Variants in RNF216 observed in about 807,000 individuals in gnomAD.
RNF216 encodes the protein E3 ubiquitin-protein ligase RNF216.
A neutral mutation model predicts 110.8 loss-of-function variants in RNF216; 72 were observed. The ratio of observed to expected loss-of-function variants is 0.65; its 90% CI spans 0.54 to 0.79. The LOEUF (loss-of-function observed/expected upper bound fraction) is 0.79, where lower values mean the gene tolerates loss of function less well. RNF216 is among the 30% of genes least tolerant of loss of function. The pLI is 0.00. For missense variants in RNF216, 1,342 were observed against 1,141.2 expected (o/e 1.18, Z -2.54); for synonymous variants, 495 against 407.5 (o/e 1.21, Z -2.59).
chr7:5,651,060 G>A (rs1351374108), intron 14 of RNF216, among the ~76,000 whole-genome samples: 1 of 152,182 alleles, frequency 6.6e-6, no homozygotes, highest in African/African-American at 2.4e-5. Flanking sequence ...TGAGATATAT[G>A]TATATAATTC....
At chr7:5,636,082 C>T (rs1430764114) in intron 15 of RNF216, among the ~76,000 whole-genome samples, 1 of 152,182 alleles carries the variant, frequency 6.6e-6, no homozygotes, top group Non-Finnish European at 1.5e-5. Context: ...TCCAGACTGC[C>T]AGGTGCCTGT....
intron 14 of RNF216, among the ~76,000 whole-genome samples, chr7:5,651,900 G>T (rs911898435): frequency 9.2e-5 from 14 of 152,176 alleles, no homozygotes; most frequent in Admixed American, 9.2e-4. Context: ...GCCAGCCTCG[G>T]CCTCCCAAAG....
chr7:5,733,020 G>A (rs372013197), intron 5 of RNF216: 4 of 152,310 alleles, frequency 2.6e-5, no homozygotes, highest in South Asian at 2.1e-4. Context: ...ATGGCCAGAC[G>A]GTTCCATCTG....
intron 13 of RNF216, among the ~76,000 whole-genome samples, chr7:5,698,620 A>T (rs1486923384): frequency 6.6e-6 from 1 of 152,108 alleles, no homozygotes; most frequent in Non-Finnish European, 1.5e-5. Flanking sequence ...TCTTGAACTC[A>T]TAACCTCAAG....
intron 3 of RNF216, among the ~76,000 whole-genome samples, chr7:5,743,090 G>A (rs1429237680): frequency 2.6e-5 from 4 of 151,904 alleles, no homozygotes; most frequent in Admixed American, 1.3e-4. Flanking sequence ...GTGAAAATCC[G>A]TCTCTACTAA....
chr7:5,780,773 G>C (rs1444918113), intron 1 of RNF216, among the ~76,000 whole-genome samples: 5 of 152,168 alleles, frequency 3.3e-5, no homozygotes, highest in Non-Finnish European at 7.4e-5. Flanking sequence ...TAAGTACCTA[G>C]GACAGCTGCT....
At chr7:5,733,847 G>C (rs1794233641) in intron 5 of RNF216, among the ~76,000 whole-genome samples, 1 of 152,164 alleles carries the variant, frequency 6.6e-6, no homozygotes, top group Non-Finnish European at 1.5e-5. Context: ...TATTGTCGAA[G>C]AGTTGTTAAA....
chr7:5,692,283 A>C lies in RNF216; in HGVS notation c.2061+19478T>G, dbSNP rs549039841. Reference sequence around the variant, plus strand: ...ACTAAGCCTTTTACTTGTTCCTCACATACCAAAAGCTAACTGTTACACATA... The same window carrying C: ...ACTAAGCCTTTTACTTGTTCCTCACCTACCAAAAGCTAACTGTTACACATA... On this transcript the variant is annotated intron_variant, in intron 13 of 16. Transcript: ENST00000389902. 6.6e-5 allele frequency among the ~76,000 whole-genome samples: 10 copies of C among 152,344 alleles called. No individual in the cohort carries two copies. The South Asian group carries it at 2.1e-3, about 32-fold the overall frequency.
At chr7:5,623,275 G>A in intron 16 of RNF216, 96 bp from the exon 17 acceptor site, 1 of 1,125,676 alleles carries the variant, frequency 8.9e-7, no homozygotes, top group South Asian at 1.6e-5. Context: ...ACACGGGAGT[G>A]GCTCCACATG....
chr7:5,761,558 C>T (rs1284483708), intron 1 of RNF216, among the ~76,000 whole-genome samples: 1 of 152,192 alleles, frequency 6.6e-6, no homozygotes, highest in African/African-American at 2.4e-5. Flanking sequence ...GAGGCCGAGG[C>T]GGGCAGGTCA....
intron 4 of RNF216, among the ~76,000 whole-genome samples, chr7:5,740,618 C>T (rs1354528852): frequency 1.3e-5 from 2 of 151,976 alleles, no homozygotes; most frequent in African/African-American, 4.8e-5. Flanking sequence ...CTAGTAAGTG[C>T]CATATTGGAC....
intron 13 of RNF216, among the ~76,000 whole-genome samples, chr7:5,671,805 CAAAAAAAAAAAAAA>C (rs11319565): frequency 1.8e-5 from 1 of 54,242 alleles, no homozygotes; most frequent in East Asian, 5.2e-4. Flanking sequence ...AACTCCGTCT[CAAAAAAAAAAAAAA>C]AAAAAAAAAA....
intron 15 of RNF216, among the ~76,000 whole-genome samples, chr7:5,631,157 A>C (rs1298858440): frequency 6.6e-6 from 1 of 152,236 alleles, no homozygotes; most frequent in Non-Finnish European, 1.5e-5. Flanking sequence ...CTACTCAAGG[A>C]AACAAACAGC....
intron 8 of RNF216, among the ~76,000 whole-genome samples, chr7:5,723,898 T>A (rs540963300): frequency 6.6e-6 from 1 of 152,164 alleles, no homozygotes; most frequent in Non-Finnish European, 1.5e-5. Context: ...TAAGTGTGAG[T>A]CATAAACATT....
chr7:5,752,956 G>A lies in RNF216; in HGVS notation c.91C>T (p.Pro31Ser), dbSNP rs746235007. Residue 31 changes from proline to serine, a missense_variant, in exon 3 of 17, where the codon CCC becomes TCC. By Grantham distance (74) the Pro-to-Ser change is moderately conservative. Coordinates refer to ENST00000389902, the MANE Select transcript of RNF216 (RefSeq NM_207111.4). The part of the protein sequence containing the change: ...GQEWINLRDG[P>S]ITISDSSDEE... Reference sequence around the variant, plus strand: ...TCTGAGGAGTCAGATATGGTGATGGGCCCATCTCGGAGATTGATCCACTCT... The same window carrying A: ...TCTGAGGAGTCAGATATGGTGATGGACCCATCTCGGAGATTGATCCACTCT... 3.1e-6 allele frequency: 5 copies of A among 1,611,268 alleles called. No individual in the cohort carries two copies. Among genetic ancestry groups the A allele is most frequent in the South Asian group, 1.1e-5 (1 of 90,062 alleles).
At chr7:5,674,945 T>C (rs1216211810) in intron 13 of RNF216, among the ~76,000 whole-genome samples, 1 of 151,798 alleles carries the variant, frequency 6.6e-6, no homozygotes, top group Non-Finnish European at 1.5e-5. Context: ...TGCAGTGAGC[T>C]GAGATCGCGC....
chr7:5,624,202 G>T lies in RNF216; in HGVS notation c.2383-77C>A. On this transcript the variant is annotated intron_variant, in intron 15 of 16. Coordinates refer to ENST00000389902, the MANE Select transcript of RNF216 (RefSeq NM_207111.4). This position sits in a 1 kb window ranked among gnomAD's most constrained non-coding sequence, Gnocchi z 4.4. ...GGCCCCGTGGGACAGTGAGGAGGCC[G>T]CTTGTTGCTTATGGCCATGGAACAA... is the stretch of plus-strand genomic sequence containing the variant. The T allele has an allele frequency of 8.0e-7, 1 of 1,245,764 alleles. No homozygotes were observed. The highest frequency in any genetic ancestry group is 1.3e-5 in the South Asian group (1 of 79,176). 77.2% of individuals were successfully genotyped at this position (1,245,764 alleles called of 1,614,324 possible).
At chr7:5,675,017 A>G (rs984639013) in intron 13 of RNF216, among the ~76,000 whole-genome samples, 5 of 151,582 alleles carry the variant, frequency 3.3e-5, no homozygotes, top group Non-Finnish European at 7.4e-5. Context: ...CAAACAAACA[A>G]TATATATATA....
At chr7:5,766,550 G>A (rs1796220122) in intron 1 of RNF216, among the ~76,000 whole-genome samples, 1 of 151,794 alleles carries the variant, frequency 6.6e-6, no homozygotes, top group South Asian at 2.1e-4. Context: ...AACACAGGGA[G>A]AAGGCAGTTG....
Sources: gnomAD v4.1 joint callset for allele counts (sites outside exome capture counted in the v4.1 genomes callset) on GRCh38, gnomAD v4.1.1 for gene constraint, Gnocchi (gnomAD v3.1) non-coding constraint, MANE v1.5 for transcripts, NCBI Gene and HGNC (gene_info 2026-07-23, HGNC 2026-07-21) for gene names.